Variants in BRSK2 observed in about 807,000 individuals in gnomAD.
BRSK2 encodes the protein serine/threonine-protein kinase BRSK2.
In BRSK2, 19 loss-of-function variants were observed where a neutral mutation model predicts 83.3. The ratio of observed to expected loss-of-function variants is 0.23; its 90% confidence interval spans 0.16 to 0.33. The LOEUF is 0.33. Ranked by LOEUF, BRSK2 falls within the 10% of genes least tolerant of loss-of-function variation. The probability of loss-of-function intolerance (pLI) is 1.00; values close to 1 mark genes in which losing one functional copy is unlikely to be tolerated. For missense variants in BRSK2, 798 were observed against 1,042.3 expected, an observed-to-expected ratio of 0.77 and a Z score of 3.23; for synonymous variants, 519 against 435.4, an observed-to-expected ratio of 1.19 and a Z score of -2.39.
chr11:1,393,933 CCTGGAGATGGGTCCTGGAGATGGGT>C (rs1845890311), intron 1 of BRSK2, among the ~76,000 whole-genome samples: 1 of 64,142 alleles, frequency 1.6e-5, no homozygotes, highest in African/African-American at 4.7e-5. Context: ...GGAGATGGGT[CCTGGAGATGGGTCCTGGAGATGGGT>C]CCTGGAGATG....
Position 1,460,598 on chromosome 11 carries a change from A to T in BRSK2, c.2086A>T (p.Ser696Cys). The part of the protein sequence containing the change: ...AQAPSTPAKR[S>C]AHGPLGDSAA... Reference sequence around the variant, plus strand: ...GGCCCCCAGCACGCCCGCCAAGCGGAGTGCCCACGGCCCACTCGGTGACTC... The same window carrying T: ...GGCCCCCAGCACGCCCGCCAAGCGGTGTGCCCACGGCCCACTCGGTGACTC... The change falls in exon 20 of 20, where the codon AGT becomes TGT. Residue 696 changes from serine to cysteine, a missense_variant. Physicochemically the swap from Ser to Cys is moderately radical, Grantham distance 112. Coordinates refer to ENST00000528841, the MANE Select transcript of BRSK2 (RefSeq NM_001256627.2). The T allele has an allele frequency of 6.5e-7, 1 of 1,532,304 alleles. No homozygotes were observed. Among genetic ancestry groups the T allele is most frequent in the Non-Finnish European group, 8.7e-7 (1 of 1,144,926 alleles). The allele number at this position is 1,532,304 out of a possible 1,614,324, so 94.9% of individuals were successfully genotyped here. A position where few individuals can be genotyped will look rare whatever the true frequency, so the allele number is the denominator to read the frequency against.
chr11:1,460,794 G>T lies in BRSK2; in HGVS notation c.*71G>T. ...CGCCGCCCGCCGCCCGCCCTGCCCC[G>T]AGTGGACCCGCGGCCGCGCCGCCCG... On this transcript the variant is annotated 3_prime_UTR_variant, in exon 20 of 20. Transcript: ENST00000528841. The T allele has an allele frequency of 7.1e-7, 1 of 1,408,940 alleles. No individual in the cohort carries two copies. Among genetic ancestry groups the T allele is most frequent in the Non-Finnish European group, 9.2e-7 (1 of 1,086,080 alleles). 87.3% of individuals were successfully genotyped at this position (1,408,940 alleles called of 1,614,324 possible).
At chr11:1,453,533 A>G (rs1846063159) in intron 15 of BRSK2, among the ~76,000 whole-genome samples, 1 of 152,168 alleles carries the variant, frequency 6.6e-6, no homozygotes, top group Non-Finnish European at 1.5e-5. Context: ...CCCAGAACAG[A>G]CAGCCGCCGA....
At chr11:1,446,168 G>GC in intron 12 of BRSK2, among the ~76,000 whole-genome samples, 1 of 149,624 alleles carries the variant, frequency 6.7e-6, no homozygotes, top group East Asian at 2.0e-4. Context: ...AGCTGGGCTG[G>GC]CCTGGGCTGG....
intron 12 of BRSK2, among the ~76,000 whole-genome samples, chr11:1,446,256 G>GGTTGA (rs1213555709): frequency 6.9e-6 from 1 of 144,504 alleles, no homozygotes; most frequent in Non-Finnish European, 1.5e-5. Flanking sequence ...GGCTGAGCAG[G>GGTTGA]GTTGAGTTGA....
At chr11:1,460,381 CTTCG>C in intron 19 of BRSK2, 115 bp from the exon 20 acceptor site, 1 of 933,852 alleles carries the variant, frequency 1.1e-6, no homozygotes, top group Non-Finnish European at 1.5e-6. Context: ...GTCGAGGCCT[CTTCG>C]TTCATTTGTT....
intron 11 of BRSK2, 42 bp downstream of exon 11, chr11:1,445,710 C>G: frequency 1.2e-6 from 2 of 1,611,140 alleles, no homozygotes; most frequent in Non-Finnish European, 1.7e-6. Flanking sequence ...CTGCACTGCC[C>G]CACCGGGGTC....
intron 1 of BRSK2, among the ~76,000 whole-genome samples, chr11:1,426,415 T>C (rs1238216306): frequency 6.6e-6 from 1 of 152,090 alleles, no homozygotes; most frequent in African/African-American, 2.4e-5. Flanking sequence ...GCTTGAACTG[T>C]CACTTTAATC....
chr11:1,450,539 C>T (rs7931553), intron 13 of BRSK2, 48 bp from the exon 14 acceptor site: 53,836 of 1,022,618 alleles, frequency 0.053, 2,151 homozygotes, highest in African/African-American at 0.17. Context: ...CCCCCGGCCC[C>T]CACCCGCCGG....
In BRSK2 at chr11:1,459,108, C is replaced by T; in HGVS notation, c.1940-84C>T. 5 of 1,398,814 alleles carry T rather than the reference C, an allele frequency of 3.6e-6. No individual in the cohort carries two copies. In the South Asian group the frequency reaches 5.9e-5, roughly 17 times the overall value. The allele number at this position is 1,398,814 out of a possible 1,614,324, so 86.7% of individuals were successfully genotyped here. On this transcript the variant is annotated intron_variant, in intron 18 of 19. Transcript: ENST00000528841. ...CCCACTCCTGGCTCCACCCCCTCCCCATCGAGGCTGTGGGCGTCCAGCCAG... is the reference window on the plus strand; with the variant it reads ...CCCACTCCTGGCTCCACCCCCTCCCTATCGAGGCTGTGGGCGTCCAGCCAG...
chr11:1,400,892 G>A (rs539192202), intron 1 of BRSK2, among the ~76,000 whole-genome samples: 13 of 152,368 alleles, frequency 8.5e-5, no homozygotes, highest in African/African-American at 2.6e-4. Flanking sequence ...ACCCTGTGGC[G>A]TCTGCTCCTC....
rs1487075663 is a variant in BRSK2, at chr11:1,450,196, G to A, written c.1287+360G>A. On this transcript the variant is annotated intron_variant, in intron 13 of 19. Transcript: ENST00000528841. ...TGTGCCGCGCGGCTGCCCCCACCCC[G>A]CTCGCTCCCTGCGCCTCCCCGTAGC... Among the ~76,000 whole-genome samples the A allele has an allele frequency of 4.2e-5, 6 of 144,172 alleles. No individual in the cohort carries two copies. The East Asian group carries it at 7.1e-4, about 17-fold the overall frequency. The allele number at this position is 144,172 out of a possible 152,430, so 94.6% of individuals were successfully genotyped here.
chr11:1,454,679 G>A lies in BRSK2; in HGVS notation c.1668+71G>A. On this transcript the variant is annotated intron_variant, in intron 16 of 19. Transcript: ENST00000528841. The surrounding 1 kb of genome is among the most constrained non-coding windows in gnomAD (Gnocchi z 5.2). ...CACACGGCCCAGCCCCGAGAATCCAGCCTCCTCACGTAGACAGGACATGTC... is the reference window on the plus strand; with the variant it reads ...CACACGGCCCAGCCCCGAGAATCCAACCTCCTCACGTAGACAGGACATGTC... 1 of 1,576,966 alleles carries A rather than the reference G, an allele frequency of 6.3e-7. No homozygotes were observed. The highest frequency in any genetic ancestry group is 8.6e-7 in the Non-Finnish European group (1 of 1,157,202).
chr11:1,390,214 G>C lies in BRSK2; in HGVS notation c.-71G>C. 1 of 847,936 alleles carries C rather than the reference G, an allele frequency of 1.2e-6. No homozygotes were observed. The highest frequency in any genetic ancestry group is 1.4e-6 in the Non-Finnish European group (1 of 706,388). 52.5% of individuals were successfully genotyped at this position (847,936 alleles called of 1,614,324 possible). A position where few individuals can be genotyped will look rare whatever the true frequency, so the allele number is the denominator to read the frequency against. ...GGCGCGGACGGCACTCGGCGGACGC[G>C]GGCGGACGCTGGGCGGCCCCTCCCT... On this transcript the variant is annotated 5_prime_UTR_variant, in exon 1 of 20. Transcript: ENST00000528841. The surrounding 1 kb of genome is among the most constrained non-coding windows in gnomAD (Gnocchi z 6.8).
chr11:1,457,901 TCTC>T (rs1425418751), intron 18 of BRSK2, among the ~76,000 whole-genome samples: 1 of 151,978 alleles, frequency 6.6e-6, no homozygotes, highest in South Asian at 2.1e-4. Flanking sequence ...GTAGCCCCCT[TCTC>T]CTGATTTTGG....
chr11:1,449,380 G>A (rs192159399), intron 12 of BRSK2, among the ~76,000 whole-genome samples: 107 of 152,342 alleles, frequency 7.0e-4, no homozygotes, highest in African/African-American at 2.3e-3. Flanking sequence ...AGCCAGGGGG[G>A]GCTTGGCAGG....
intron 13 of BRSK2, among the ~76,000 whole-genome samples, chr11:1,450,276 G>A (rs1317165998): frequency 4.8e-5 from 7 of 147,060 alleles, no homozygotes; most frequent in East Asian, 2.1e-4. Flanking sequence ...TTCGTGGCCC[G>A]CCCCCTGGCC....
Position 1,460,537 on chromosome 11 carries a change from A to G in BRSK2, c.2025A>G (p.Gln675=). The G allele has an allele frequency of 6.6e-7, 1 of 1,513,536 alleles. No homozygotes were observed. Among genetic ancestry groups the G allele is most frequent in the Non-Finnish European group, 8.8e-7 (1 of 1,140,082 alleles). The allele number at this position is 1,513,536 out of a possible 1,614,324, so 93.8% of individuals were successfully genotyped here. A position where few individuals can be genotyped will look rare whatever the true frequency, so the allele number is the denominator to read the frequency against. Residue 675 remains glutamine (Q), a synonymous_variant, in exon 20 of 20, where the codon CAA becomes CAG. Transcript: ENST00000528841. ...PLSNFFDVIK[Q]LFSDEKNGQA... is the part of the protein sequence containing the mutation. Reference sequence around the variant, plus strand: ...GTAACTTCTTTGACGTAATTAAACAACTTTTTTCAGACGAGAAGAACGGGC... The same window carrying G: ...GTAACTTCTTTGACGTAATTAAACAGCTTTTTTCAGACGAGAAGAACGGGC...
intron 1 of BRSK2, among the ~76,000 whole-genome samples, chr11:1,421,855 G>T (rs927671325): frequency 6.6e-6 from 1 of 152,180 alleles, no homozygotes; most frequent in African/African-American, 2.4e-5. Context: ...CTCGGGGCAG[G>T]TGGGAGAACC....
Sources: gnomAD v4.1 joint callset for allele counts (sites outside exome capture counted in the v4.1 genomes callset) on GRCh38, gnomAD v4.1.1 for gene constraint, Gnocchi (gnomAD v3.1) non-coding constraint, MANE v1.5 for transcripts, NCBI Gene and HGNC (gene_info 2026-07-23, HGNC 2026-07-21) for gene names.